Variants in BCAR3 observed in about 807,000 individuals in gnomAD.
BCAR3 encodes the protein BCAR3 adaptor protein, NSP family member, also known as breast cancer anti-estrogen resistance protein 3.
Under a neutral mutation model 80.1 loss-of-function variants are expected in BCAR3, and 37 were observed. The ratio of observed to expected loss-of-function variants is 0.46; its 90% CI spans 0.36 to 0.61. The LOEUF (loss-of-function observed/expected upper bound fraction) is 0.61, where lower values mean the gene tolerates loss of function less well. Among genes scored for constraint, BCAR3 ranks in the 20% least tolerant of loss-of-function variants. BCAR3 has a pLI of 0.00. For synonymous variants in BCAR3, 389 were observed against 418.9 expected (o/e 0.93, Z 0.87); for missense variants, 978 against 1,068.2 (o/e 0.92, Z 1.18).
intron 3 of BCAR3, among the ~76,000 whole-genome samples, chr1:93,605,022 T>C (rs574423443): frequency 5.3e-5 from 8 of 152,346 alleles, no homozygotes; most frequent in East Asian, 1.9e-4. Context: ...TTTTCGTTAA[T>C]AGATAAACCG....
At chr1:93,643,545 C>CAAA (rs547667389) in intron 2 of BCAR3, among the ~76,000 whole-genome samples, 24 of 22,292 alleles carry the variant, frequency 1.1e-3, no homozygotes, top group Admixed American at 1.6e-3. Context: ...GACTCTTTCT[C>CAAA]AAAAAAAAAA....
At chr1:93,832,200 A>G (rs1286200317) in intron 2 of BCAR3, among the ~76,000 whole-genome samples, 1 of 152,202 alleles carries the variant, frequency 6.6e-6, no homozygotes, top group East Asian at 1.9e-4. Context: ...GTAGCAACGT[A>G]TTTCTGAGTT....
intron 2 of BCAR3, among the ~76,000 whole-genome samples, chr1:93,807,678 G>C (rs1171548855): frequency 6.6e-6 from 1 of 152,156 alleles, no homozygotes; most frequent in Non-Finnish European, 1.5e-5. Context: ...TTCCTGGTTA[G>C]TTGGTGAGAT....
chr1:93,727,860 T>C (rs1650647001), intron 2 of BCAR3, among the ~76,000 whole-genome samples: 1 of 152,208 alleles, frequency 6.6e-6, no homozygotes, highest in Non-Finnish European at 1.5e-5. Flanking sequence ...TTTGCAGATG[T>C]AATGAAGTTA....
At chr1:93,777,412 TC>T (rs1652600998) in intron 2 of BCAR3, among the ~76,000 whole-genome samples, 1 of 130,494 alleles carries the variant, frequency 7.7e-6, no homozygotes, top group Non-Finnish European at 1.6e-5. Flanking sequence ...TTCCTCCTCC[TC>T]TTCCTCCTCC....
chr1:93,690,488 G>C (rs1649150872), intron 3 of BCAR3, among the ~76,000 whole-genome samples: 1 of 152,188 alleles, frequency 6.6e-6, no homozygotes, highest in African/African-American at 2.4e-5. Context: ...AGGTCATATA[G>C]CAATATGTAA....
chr1:93,798,424 A>C (rs1653357719), intron 2 of BCAR3, among the ~76,000 whole-genome samples: 1 of 151,950 alleles, frequency 6.6e-6, no homozygotes, highest in Non-Finnish European at 1.5e-5. Flanking sequence ...GGAATGTCCA[A>C]GACTCTTAAC....
At chr1:93,603,759 A>G (rs1040419875) in intron 3 of BCAR3, among the ~76,000 whole-genome samples, 1 of 152,208 alleles carries the variant, frequency 6.6e-6, no homozygotes, top group Admixed American at 6.5e-5. Flanking sequence ...CTCTGGCTAG[A>G]TCTGAGGCAG....
At chr1:93,736,673 A>G (rs571938082) in intron 2 of BCAR3, among the ~76,000 whole-genome samples, 1 of 152,342 alleles carries the variant, frequency 6.6e-6, no homozygotes, top group South Asian at 2.1e-4. Context: ...CTAATATGGC[A>G]CTAAGGGGGT....
chr1:93,671,799 CT>C (rs1313056445), intron 2 of BCAR3, among the ~76,000 whole-genome samples: 1 of 151,926 alleles, frequency 6.6e-6, no homozygotes, highest in Non-Finnish European at 1.5e-5. Flanking sequence ...ATTCAGGCAG[CT>C]TATAATCTTA....
chr1:93,736,312 T>A (rs1650969625), intron 2 of BCAR3, among the ~76,000 whole-genome samples: 2 of 152,172 alleles, frequency 1.3e-5, no homozygotes, highest in African/African-American at 4.8e-5. Flanking sequence ...CTCAGCCTCC[T>A]GAGTAGATGG....
intron 3 of BCAR3, among the ~76,000 whole-genome samples, chr1:93,639,768 C>A (rs531018492): frequency 6.6e-6 from 1 of 152,116 alleles, no homozygotes; most frequent in East Asian, 1.9e-4. Context: ...TGAGCCACCG[C>A]ACCCAGCAGG....
At chr1:93,606,269 T>C (rs1674769517) in intron 3 of BCAR3, among the ~76,000 whole-genome samples, 1 of 152,112 alleles carries the variant, frequency 6.6e-6, no homozygotes, top group African/African-American at 2.4e-5. Flanking sequence ...AACCAGAAAC[T>C]GGACTTAAAG....
chr1:93,565,686 T>C (rs1672917415), intron 11 of BCAR3, among the ~76,000 whole-genome samples: 1 of 152,232 alleles, frequency 6.6e-6, no homozygotes, highest in Admixed American at 6.5e-5. Context: ...GTGCTTTTAT[T>C]GTTTGAGTAA....
chr1:93,567,631 G>A (rs1673010588), intron 10 of BCAR3, 109 bp downstream of exon 10: 11 of 1,388,976 alleles, frequency 7.9e-6, no homozygotes, highest in Non-Finnish European at 1.1e-5. Context: ...AAGCCCTGAT[G>A]AGCCATCCAC....
chr1:93,790,634 A>ATTC lies in BCAR3; in HGVS notation c.-63+54932_-63+54933insGAA, dbSNP rs1234204229. On this transcript the variant is annotated intron_variant, in intron 2 of 13. Transcript: ENST00000370244. ...ATAGTCTTTTTTTTTTTTTGTATTC[A>ATTC]TTTTTTTTTTTTCTTAATTTTTTTT... is the stretch of plus-strand genomic sequence containing the variant. Among the ~76,000 whole-genome samples the ATTC allele has an allele frequency of 5.6e-4, 60 of 107,412 alleles. 1 individual carries two copies. Among genetic ancestry groups the ATTC allele is most frequent in the African/African-American group, 2.3e-3 (56 of 24,648 alleles). The allele number at this position is 107,412 out of a possible 152,430, so 70.5% of individuals were successfully genotyped here. A position where few individuals can be genotyped will look rare whatever the true frequency, so the allele number is the denominator to read the frequency against.
chr1:93,584,063 C>G lies in BCAR3; in HGVS notation c.988G>C (p.Ala330Pro). 6.2e-7 allele frequency: 1 copy of G among 1,614,156 alleles called. No individual in the cohort carries two copies. The highest frequency in any genetic ancestry group is 8.5e-7 in the Non-Finnish European group (1 of 1,180,018). The change falls in exon 6 of 12, where the codon GCC becomes CCC. Residue 330 changes from alanine (A) to proline (P), a missense_variant. Ala to Pro is a conservative substitution (Grantham distance 27, BLOSUM62 -1). Transcript: ENST00000260502. ...GACTGGTGGGCTTTGAGGGACAAGG[C>G]TCTTCTGTCCTGCATGTGATCCAGG... is the stretch of plus-strand genomic sequence containing the variant. ...ACLDHMQDRR[A>P]LSLKAHQSES... is the part of the protein sequence containing the mutation.
intron 3 of BCAR3, among the ~76,000 whole-genome samples, chr1:93,699,979 C>T (rs2101971595): frequency 6.6e-6 from 1 of 152,258 alleles, no homozygotes; most frequent in African/African-American, 2.4e-5. Flanking sequence ...CTACCCCACC[C>T]CATTTTACAG....
At chr1:93,619,025 G>C (rs559378471) in intron 3 of BCAR3, among the ~76,000 whole-genome samples, 1 of 148,474 alleles carries the variant, frequency 6.7e-6, no homozygotes, top group South Asian at 2.1e-4. Context: ...TGCAACCTCT[G>C]CCTCCCAGGT....
Sources: allele counts gnomAD v4.1 joint callset (sites outside exome capture counted in the v4.1 genomes callset), GRCh38; gene constraint gnomAD v4.1.1; transcripts MANE v1.5; gene names NCBI Gene and HGNC (gene_info 2026-07-23, HGNC 2026-07-21).